TWIST2: variants seen among roughly 807,000 people sequenced by gnomAD.
The protein encoded by TWIST2 is twist-related protein 2.
Under a neutral mutation model 11.6 loss-of-function variants are expected in TWIST2, and 1 was observed. That is an observed-to-expected ratio of 0.09 (90% CI 0.03 to 0.41). The LOEUF is 0.41. Ranked by LOEUF, TWIST2 falls within the 10% of genes least tolerant of loss-of-function variation. TWIST2 has a pLI of 0.98. For missense variants in TWIST2, 168 were observed against 226.4 expected, an observed-to-expected ratio of 0.74 and a Z score of 1.66; for synonymous variants, 87 against 96.6, an observed-to-expected ratio of 0.90 and a Z score of 0.58.
At position 238,866,748 on chromosome 2, in the gene TWIST2, A is replaced by G. The variant is rs1574751910; in HGVS notation, c.*35+18015A>G. Among the ~76,000 whole-genome samples the G allele has an allele frequency of 6.6e-6, 1 of 151,796 alleles. No individual in the cohort carries two copies. Among genetic ancestry groups the G allele is most frequent in the African/African-American group, 2.4e-5 (1 of 41,326 alleles). ...AATCTCCCTTGTGCCCGACAGGACT[A>G]CCTCCAGTGTCCCCTCCTTGGGGAG... On this transcript the variant is annotated intron_variant, in intron 1 of 1. Coordinates refer to ENST00000612363, the MANE Select transcript of TWIST2 (RefSeq NM_001271893.4). The surrounding 1 kb of genome is among the most constrained non-coding windows in gnomAD (Gnocchi z 4.9).
chr2:238,881,674 T>C (rs531313542), intron 1 of TWIST2, among the ~76,000 whole-genome samples: 78 of 152,288 alleles, frequency 5.1e-4, no homozygotes, highest in African/African-American at 1.9e-3. Context: ...TGGGCTGGTG[T>C]CCTGGGTCTG....
At chr2:238,871,344 A>C (rs1692693894) in intron 1 of TWIST2, among the ~76,000 whole-genome samples, 1 of 50,460 alleles carries the variant, frequency 2.0e-5, no homozygotes, top group Non-Finnish European at 3.6e-5. Context: ...CCCACACACC[A>C]CACCCCACAC....
In TWIST2 at chr2:238,860,761, A is replaced by G. The variant is rs187145200; in HGVS notation, c.*35+12028A>G. ...GAAACCAGCCTGGCCAACATGGCGAAACCCCGGTTCTACCAAAAATACAAA... is the reference window on the plus strand; with the variant it reads ...GAAACCAGCCTGGCCAACATGGCGAGACCCCGGTTCTACCAAAAATACAAA... On this transcript the variant is annotated intron_variant, in intron 1 of 1. Transcript: ENST00000612363. Among the ~76,000 whole-genome samples the G allele has an allele frequency of 1.3e-3, 201 of 152,338 alleles. 2 individuals carry two copies. The highest frequency in any genetic ancestry group is 4.6e-3 in the African/African-American group (192 of 41,564).
intron 1 of TWIST2, among the ~76,000 whole-genome samples, chr2:238,908,150 C>T (rs1353237163): frequency 6.6e-6 from 1 of 150,946 alleles, no homozygotes; most frequent in Admixed American, 6.6e-5. Context: ...ATACACACTA[C>T]CCACTACATA....
At position 238,870,844 on chromosome 2, in the gene TWIST2, G is replaced by T. The variant is rs1426927992; in HGVS notation, c.*35+22111G>T. ...CCCCACACACACCACACCCCCACAC[G>T]CCACACACACACCTTACCCCACACA... On this transcript the variant is annotated intron_variant, in intron 1 of 1. Coordinates refer to ENST00000612363, the MANE Select transcript of TWIST2 (RefSeq NM_001271893.4). Among the ~76,000 whole-genome samples the T allele has an allele frequency of 4.7e-3, 105 of 22,280 alleles. 11 individuals are homozygous for T. The highest frequency in any genetic ancestry group is 0.023 in the African/African-American group (98 of 4,326). The allele number at this position is 22,280 out of a possible 152,430, so 14.6% of individuals were successfully genotyped here.
rs1050047100 is a variant in TWIST2 at position 238,910,265 on chromosome 2, C to G, written c.*459C>G. On this transcript the variant is annotated 3_prime_UTR_variant, in exon 2 of 2. Coordinates refer to ENST00000612363, the MANE Select transcript of TWIST2 (RefSeq NM_001271893.4). ...TTGTACAATTCTGTTGAAACTGGAC[C>G]AAGGCTCTCAGAAGAGGACCCCCGA... 4 of 151,752 alleles carry G rather than the reference C, an allele frequency of 2.6e-5. No homozygotes were observed. Among genetic ancestry groups the G allele is most frequent in the African/African-American group, 9.7e-5 (4 of 41,286 alleles). The allele number at this position is 151,752 out of a possible 1,614,324, so 9.4% of individuals were successfully genotyped here. A position where few individuals can be genotyped will look rare whatever the true frequency, so the allele number is the denominator to read the frequency against.
chr2:238,908,355 C>CA (rs1212926299), intron 1 of TWIST2, among the ~76,000 whole-genome samples: 103 of 150,116 alleles, frequency 6.9e-4, no homozygotes, highest in Admixed American at 3.1e-3. Flanking sequence ...CACACCACAC[C>CA]CCACATACAC....
intron 1 of TWIST2, among the ~76,000 whole-genome samples, chr2:238,873,593 C>T (rs1692749903): frequency 2.0e-5 from 3 of 152,134 alleles, no homozygotes; most frequent in Admixed American, 1.3e-4. Flanking sequence ...GTGAGATGTT[C>T]TCAGGAAGGT....
At chr2:238,908,936 G>A (rs1345662472) in intron 1 of TWIST2, among the ~76,000 whole-genome samples, 1 of 151,968 alleles carries the variant, frequency 6.6e-6, no homozygotes, top group Non-Finnish European at 1.5e-5. Context: ...GTGTGTTTGT[G>A]TGTGTGGTAT....
chr2:238,910,253 T>C lies in TWIST2; in HGVS notation c.*447T>C, dbSNP rs995319231. Reference sequence around the variant, plus strand: ...AGAAATGCATTCTTGTACAATTCTGTTGAAACTGGACCAAGGCTCTCAGAA... The same window carrying C: ...AGAAATGCATTCTTGTACAATTCTGCTGAAACTGGACCAAGGCTCTCAGAA... On this transcript the variant is annotated 3_prime_UTR_variant, in exon 2 of 2. Transcript: ENST00000612363. 8.5e-5 allele frequency: 13 copies of C among 152,158 alleles called. No homozygotes were observed. The highest frequency in any genetic ancestry group is 1.9e-4 in the Non-Finnish European group (13 of 68,034). 9.4% of individuals were successfully genotyped at this position (152,158 alleles called of 1,614,324 possible).
chr2:238,879,732 C>A (rs1265639514), intron 1 of TWIST2, among the ~76,000 whole-genome samples: 11 of 152,242 alleles, frequency 7.2e-5, no homozygotes, highest in Admixed American at 7.2e-4. Flanking sequence ...CCCTGCCAGA[C>A]CTTGCCCCAC....
At chr2:238,896,604 G>A (rs1300044455) in intron 1 of TWIST2, among the ~76,000 whole-genome samples, 2 of 152,220 alleles carry the variant, frequency 1.3e-5, no homozygotes, top group Non-Finnish European at 2.9e-5. Context: ...GCTCAGAGCA[G>A]GCAGCACCTG....
intron 1 of TWIST2, among the ~76,000 whole-genome samples, chr2:238,892,986 C>A: frequency 6.6e-6 from 1 of 152,176 alleles, no homozygotes; most frequent in East Asian, 1.9e-4. Flanking sequence ...GCTTGGGAAG[C>A]AAAAGGCCTG....
Position 238,871,772 on chromosome 2 carries a change from C to T in TWIST2, c.*35+23039C>T, listed in dbSNP as rs956891125. 2.6e-5 allele frequency among the ~76,000 whole-genome samples: 4 copies of T among 151,620 alleles called. No individual in the cohort carries two copies. The South Asian group carries it at 6.3e-4, about 24-fold the overall frequency. On this transcript the variant is annotated intron_variant, in intron 1 of 1. Coordinates refer to ENST00000612363, the MANE Select transcript of TWIST2 (RefSeq NM_001271893.4). Reference sequence around the variant, plus strand: ...ATAGCATGGATGAACCCTGAGGACACGGTGCTGAGTGAACTAAGCTGGTCA... The same window carrying T: ...ATAGCATGGATGAACCCTGAGGACATGGTGCTGAGTGAACTAAGCTGGTCA...
chr2:238,875,647 C>T (rs765087090), intron 1 of TWIST2, among the ~76,000 whole-genome samples: 3 of 152,116 alleles, frequency 2.0e-5, no homozygotes, highest in Admixed American at 6.5e-5. Flanking sequence ...AAGAAAGTGC[C>T]GTGAACTTCA....
At chr2:238,865,759 C>T (rs576454754) in intron 1 of TWIST2, among the ~76,000 whole-genome samples, 48 of 152,088 alleles carry the variant, frequency 3.2e-4, no homozygotes, top group Admixed American at 1.4e-3. Context: ...TACCACTGCT[C>T]AGAGGTCCCT....
chr2:238,851,001 T>C (rs1054357790), intron 1 of TWIST2, among the ~76,000 whole-genome samples: 10 of 152,250 alleles, frequency 6.6e-5, no homozygotes, highest in Non-Finnish European at 1.2e-4. Context: ...ATAAGATCAA[T>C]ACGATTATAA....
intron 1 of TWIST2, among the ~76,000 whole-genome samples, chr2:238,877,943 C>G (rs1051768384): frequency 6.6e-6 from 1 of 152,032 alleles, no homozygotes. Context: ...GCACTGGGGG[C>G]CAGGCAGAAA....
intron 1 of TWIST2, among the ~76,000 whole-genome samples, chr2:238,890,750 C>T (rs1009162121): frequency 6.6e-6 from 1 of 152,024 alleles, no homozygotes; most frequent in Non-Finnish European, 1.5e-5. Flanking sequence ...TTTACTTGAC[C>T]CTTGAGGCTG....
Sources: allele counts gnomAD v4.1 joint callset (sites outside exome capture counted in the v4.1 genomes callset), GRCh38; gene constraint gnomAD v4.1.1; non-coding constraint Gnocchi (gnomAD v3.1); transcripts MANE v1.5; gene names NCBI Gene and HGNC (gene_info 2026-07-23, HGNC 2026-07-21).